The following PXDNL variants were observed in gnomAD, a reference collection of about 807,000 sequenced individuals.
PXDNL encodes peroxidasin like.
In PXDNL, 145 loss-of-function variants were observed where a neutral mutation model predicts 150.8. That is an observed-to-expected ratio of 0.96 (90% CI 0.84 to 1.10). PXDNL has a LOEUF of 1.10. Ranked by LOEUF, PXDNL falls within the 50% of genes least tolerant of loss-of-function variation. The pLI is 0.00. For missense variants in PXDNL, 2,087 were observed against 1,873.9 expected, an observed-to-expected ratio of 1.11 and a Z score of -2.10; for synonymous variants, 757 against 725.7, an observed-to-expected ratio of 1.04 and a Z score of -0.69.
chr8:51,764,225 T>C (rs959911858), intron 1 of PXDNL, among the ~76,000 whole-genome samples: 11 of 152,144 alleles, frequency 7.2e-5, no homozygotes, highest in African/African-American at 2.7e-4. Context: ...AGCTAAAGAT[T>C]TGTCAATTTT....
chr8:51,449,554 A>G (rs570357017), intron 10 of PXDNL, among the ~76,000 whole-genome samples: 18 of 152,374 alleles, frequency 1.2e-4, no homozygotes, highest in Middle Eastern at 3.4e-3. Context: ...TAAGCTCCTT[A>G]AGATTAATGT....
At chr8:51,694,494 T>C (rs1254643915) in intron 1 of PXDNL, among the ~76,000 whole-genome samples, 1 of 152,256 alleles carries the variant, frequency 6.6e-6, no homozygotes, top group Non-Finnish European at 1.5e-5. Flanking sequence ...ACATTTACAG[T>C]AACCCTTCAT....
At chr8:51,653,558 T>TA (rs559311665) in intron 2 of PXDNL, among the ~76,000 whole-genome samples, 268 of 152,362 alleles carry the variant, frequency 1.8e-3, no homozygotes, top group African/African-American at 5.9e-3. Flanking sequence ...TGCACTTTGA[T>TA]AATCATTGCT....
intron 4 of PXDNL, among the ~76,000 whole-genome samples, chr8:51,504,405 G>A (rs1481666997): frequency 6.6e-6 from 1 of 152,004 alleles, no homozygotes; most frequent in African/African-American, 2.4e-5. Context: ...CCTCCTCCCA[G>A]CCACATACCT....
chr8:51,416,326 A>T (rs912563907), intron 14 of PXDNL, among the ~76,000 whole-genome samples: 4 of 152,270 alleles, frequency 2.6e-5, no homozygotes. Flanking sequence ...GTTGATATAA[A>T]GTATAAATTT....
intron 1 of PXDNL, among the ~76,000 whole-genome samples, chr8:51,673,426 T>C (rs909361314): frequency 5.3e-5 from 8 of 152,238 alleles, no homozygotes; most frequent in African/African-American, 1.4e-4. Context: ...ATGCTTCTTT[T>C]ATAAGTTCAA....
intron 4 of PXDNL, among the ~76,000 whole-genome samples, chr8:51,512,778 C>T (rs1219030925): frequency 9.9e-5 from 15 of 152,184 alleles, no homozygotes; most frequent in East Asian, 1.9e-4. Context: ...GTCACAATCA[C>T]GTGACTCTTG....
intron 1 of PXDNL, among the ~76,000 whole-genome samples, chr8:51,711,860 T>C (rs1251087402): frequency 6.6e-6 from 1 of 152,244 alleles, no homozygotes; most frequent in African/African-American, 2.4e-5. Flanking sequence ...TTTTTCTTTT[T>C]ATCCAGCATT....
chr8:51,325,822 G>A (rs193114556), intron 21 of PXDNL, among the ~76,000 whole-genome samples: 22 of 152,282 alleles, frequency 1.4e-4, no homozygotes, highest in African/African-American at 5.3e-4. Context: ...ATACCCTGGG[G>A]AGAGTGAAAG....
intron 1 of PXDNL, among the ~76,000 whole-genome samples, chr8:51,790,561 T>C (rs76697195): frequency 6.6e-6 from 1 of 152,290 alleles, no homozygotes; most frequent in East Asian, 1.9e-4. Flanking sequence ...AAGGGCAGCA[T>C]TATTTTTTCT....
At chr8:51,806,373 C>G (rs1018760387) in intron 1 of PXDNL, among the ~76,000 whole-genome samples, 1 of 152,102 alleles carries the variant, frequency 6.6e-6, no homozygotes, top group Non-Finnish European at 1.5e-5. Context: ...TACATAAGGG[C>G]GGTTTAACAA....
At chr8:51,691,961 A>C (rs1032716019) in intron 1 of PXDNL, among the ~76,000 whole-genome samples, 18 of 152,178 alleles carry the variant, frequency 1.2e-4, no homozygotes, top group Admixed American at 7.2e-4. Context: ...TTTATAACCT[A>C]AATTTGAATT....
chr8:51,486,769 TATATATATATATA>T (rs1810752262), intron 5 of PXDNL, among the ~76,000 whole-genome samples: 4 of 8,340 alleles, frequency 4.8e-4, no homozygotes, highest in African/African-American at 1.0e-3. Flanking sequence ...TATATATATA[TATATATATATATA>T]TATATATATA....
chr8:51,503,648 A>AT (rs1435310269), intron 4 of PXDNL, among the ~76,000 whole-genome samples: 2 of 152,178 alleles, frequency 1.3e-5, no homozygotes, highest in Non-Finnish European at 2.9e-5. Flanking sequence ...ACTTGAGAGG[A>AT]TTTTAAATCT....
In PXDNL at chr8:51,809,200, G is replaced by A. The variant is rs374470863; in HGVS notation, c.145C>T (p.Pro49Ser). 9.3e-6 allele frequency: 15 copies of A among 1,613,764 alleles called. No homozygotes were observed. The African/African-American group carries it at 1.6e-4, about 17-fold the overall frequency. ...HLMLDHIPQVPQQTTVLDLRF... is the reference protein window; with the variant it reads ...HLMLDHIPQVSQQTTVLDLRF... ...ACTTACAGAACTGTGGTCTGCTGTG[G>A]TACCTGAGGAATGTGGTCCAGCATC... The change falls in exon 1 of 23, where the codon CCA becomes TCA. Residue 49 changes from proline to serine, a missense_variant. Pro to Ser is a moderately conservative substitution (Grantham distance 74). Coordinates refer to ENST00000356297, the MANE Select transcript of PXDNL (RefSeq NM_144651.5).
At chr8:51,376,621 A>G (rs1586048541) in intron 17 of PXDNL, among the ~76,000 whole-genome samples, 2 of 151,174 alleles carry the variant, frequency 1.3e-5, no homozygotes, top group Admixed American at 6.6e-5. Context: ...TGGGTAGCAT[A>G]CTCTTCTTTC....
chr8:51,448,721 A>AAACAAACAAACAAACAAACAAAAC, intron 11 of PXDNL, among the ~76,000 whole-genome samples: 1 of 149,848 alleles, frequency 6.7e-6, no homozygotes, highest in South Asian at 2.2e-4. Flanking sequence ...ACAAACAAAC[A>AAACAAACAAACAAACAAACAAAAC]AACAAACAAA....
At position 51,654,775 on chromosome 8, in the gene PXDNL, A is replaced by T; in HGVS notation, c.165-15T>A. On this transcript the variant is annotated splice_polypyrimidine_tract_variant and intron_variant, in intron 1 of 22. Transcript: ENST00000356297. The stretch of plus-strand genomic sequence containing the variant: ...ACCTCAAGTCTCTGGGAACATAAAA[A>T]GGTGAAGAACGATTATAATATGTTG... The T allele has an allele frequency of 1.2e-6, 2 of 1,601,928 alleles. No individual in the cohort carries two copies. The highest frequency in any genetic ancestry group is 2.2e-5 in the South Asian group (2 of 90,802).
intron 4 of PXDNL, among the ~76,000 whole-genome samples, chr8:51,527,981 C>G (rs1811803621): frequency 6.6e-6 from 1 of 152,030 alleles, no homozygotes; most frequent in South Asian, 2.1e-4. Context: ...TCAATGTGCC[C>G]CAGTTTCCTC....
Sources: allele counts gnomAD v4.1 joint callset (sites outside exome capture counted in the v4.1 genomes callset), GRCh38; gene constraint gnomAD v4.1.1; transcripts MANE v1.5; gene names NCBI Gene and HGNC (gene_info 2026-07-23, HGNC 2026-07-21).